The following NOL10 variants were observed in gnomAD, a reference collection of about 807,000 sequenced individuals.
The protein encoded by NOL10 is H_NH0074G24.1.
In NOL10, 58 loss-of-function variants were observed where a neutral mutation model predicts 103.5. That is an observed-to-expected ratio of 0.56 (90% CI 0.45 to 0.70). The LOEUF (loss-of-function observed/expected upper bound fraction) is 0.70, where lower values mean the gene tolerates loss of function less well. NOL10 is among the 30% of genes least tolerant of loss of function. The pLI is 0.00. For synonymous variants in NOL10, 287 were observed against 282.5 expected, an observed-to-expected ratio of 1.02 and a Z score of -0.16; for missense variants, 763 against 807.3, an observed-to-expected ratio of 0.95 and a Z score of 0.67.
chr2:10,615,165 T>C (rs564915479), intron 13 of NOL10, among the ~76,000 whole-genome samples: 44 of 152,390 alleles, frequency 2.9e-4, no homozygotes, highest in African/African-American at 1.0e-3. Context: ...TTATGAGTCA[T>C]TTAAATGTAC....
At chr2:10,590,961 G>C (rs911569824) in intron 17 of NOL10, 1 of 152,200 alleles carries the variant, frequency 6.6e-6, no homozygotes, top group Non-Finnish European at 1.5e-5. Flanking sequence ...TGACTCTGCT[G>C]AACAGACTAC....
At chr2:10,689,317 T>C (rs1682446025) in intron 1 of NOL10, among the ~76,000 whole-genome samples, 1 of 152,142 alleles carries the variant, frequency 6.6e-6, no homozygotes, top group Non-Finnish European at 1.5e-5. Flanking sequence ...GTCTCGAAAA[T>C]ACTGTCCTCT....
intron 19 of NOL10, among the ~76,000 whole-genome samples, chr2:10,586,817 G>A (rs1388112054): frequency 2.0e-5 from 3 of 151,514 alleles, no homozygotes; most frequent in African/African-American, 4.9e-5. Flanking sequence ...CTTATTGTAT[G>A]AGTACAGTAT....
intron 17 of NOL10, among the ~76,000 whole-genome samples, chr2:10,595,028 A>T (rs546874496): frequency 6.6e-6 from 1 of 152,018 alleles, no homozygotes; most frequent in Non-Finnish European, 1.5e-5. Context: ...CTGAATACCA[A>T]CTTAATCAAA....
intron 17 of NOL10, among the ~76,000 whole-genome samples, chr2:10,595,590 TTTG>T (rs1558277515): frequency 1.2e-4 from 9 of 75,360 alleles, no homozygotes; most frequent in African/African-American, 4.0e-4. Context: ...GTTTTTTTGT[TTTG>T]TTTTGTTTTT....
At chr2:10,630,628 T>A (rs750213462) in intron 13 of NOL10, among the ~76,000 whole-genome samples, 16 of 152,088 alleles carry the variant, frequency 1.1e-4, no homozygotes, top group Non-Finnish European at 1.8e-4. Flanking sequence ...GGCAGGAGAA[T>A]GGTGTGAACC....
At chr2:10,665,640 T>G (rs1254094147) in intron 8 of NOL10, among the ~76,000 whole-genome samples, 2 of 152,212 alleles carry the variant, frequency 1.3e-5, no homozygotes, top group African/African-American at 4.8e-5. Context: ...CAGCACGTTC[T>G]AATACATAAC....
chr2:10,631,597 T>C (rs1438961736), intron 13 of NOL10, among the ~76,000 whole-genome samples: 1 of 152,204 alleles, frequency 6.6e-6, no homozygotes, highest in Non-Finnish European at 1.5e-5. Context: ...AACACAACGA[T>C]TGCATCATAC....
intron 13 of NOL10, among the ~76,000 whole-genome samples, chr2:10,624,706 A>G (rs905024078): frequency 6.6e-6 from 1 of 152,162 alleles, no homozygotes; most frequent in Non-Finnish European, 1.5e-5. Flanking sequence ...ACTATGGAGG[A>G]CCATCTGGCA....
chr2:10,612,005 A>C (rs1676597153), intron 13 of NOL10, among the ~76,000 whole-genome samples: 1 of 152,000 alleles, frequency 6.6e-6, no homozygotes, highest in African/African-American at 2.4e-5. Flanking sequence ...TGTAGTCCCA[A>C]ATATTATCCC....
chr2:10,603,501 G>A (rs994627081), intron 14 of NOL10, among the ~76,000 whole-genome samples: 1 of 152,112 alleles, frequency 6.6e-6, no homozygotes, highest in Non-Finnish European at 1.5e-5. Flanking sequence ...ACAGTAAGTT[G>A]CCAAATTGAA....
At chr2:10,675,020 T>C (rs995636798) in intron 4 of NOL10, among the ~76,000 whole-genome samples, 1 of 151,754 alleles carries the variant, frequency 6.6e-6, no homozygotes, top group African/African-American at 2.4e-5. Context: ...CTGGGCAACA[T>C]GGCTAGACTC....
intron 12 of NOL10, among the ~76,000 whole-genome samples, chr2:10,648,822 A>T (rs564204681): frequency 2.4e-4 from 36 of 152,336 alleles, no homozygotes; most frequent in Admixed American, 7.2e-4. Flanking sequence ...CACTGGCCTG[A>T]TCTTTGAAAA....
chr2:10,617,307 T>C (rs1199391012), intron 13 of NOL10, among the ~76,000 whole-genome samples: 1 of 152,112 alleles, frequency 6.6e-6, no homozygotes, highest in Non-Finnish European at 1.5e-5. Flanking sequence ...AGAGCAATGG[T>C]GAGCAGGGGC....
intron 13 of NOL10, among the ~76,000 whole-genome samples, chr2:10,620,542 C>T (rs1677086826): frequency 6.6e-6 from 1 of 151,948 alleles, no homozygotes; most frequent in African/African-American, 2.4e-5. Context: ...TATGTTCCCC[C>T]AAATAAAGCT....
chr2:10,682,029 C>T lies in NOL10; in HGVS notation c.153G>A (p.Met51Ile), dbSNP rs1271716837. 4.6e-6 allele frequency: 7 copies of T among 1,533,234 alleles called. No homozygotes were observed. The highest frequency in any genetic ancestry group is 1.4e-5 in the African/African-American group (1 of 72,080). The allele number at this position is 1,533,234 out of a possible 1,614,324, so 95.0% of individuals were successfully genotyped here. Residue 51 changes from methionine to isoleucine, a missense_variant, in exon 3 of 21, where the codon ATG (methionine) becomes ATA (isoleucine). Met to Ile is a conservative substitution (Grantham distance 10, BLOSUM62 1). Coordinates refer to ENST00000381685, the MANE Select transcript of NOL10 (RefSeq NM_024894.4). ...RRIELIQDFE[M>I]PTVCTTIKVS... The stretch of plus-strand genomic sequence containing the variant: ...CCTTAATAGTGGTACACACAGTAGG[C>T]ATTTCAAAGTCCTGAATAAGTTCAA...
chr2:10,684,616 A>T lies in NOL10; in HGVS notation c.67-4T>A. The T allele has an allele frequency of 6.4e-7, 1 of 1,560,734 alleles. No homozygotes were observed. On this transcript the variant is annotated splice_polypyrimidine_tract_variant and splice_region_variant and intron_variant, in intron 1 of 20. Transcript: ENST00000381685. Reference sequence around the variant, plus strand: ...TCTTCTTCCTATCAGAAAGCCACTTAAAGAAAATGAAGAGAGTTTATTTTA... The same window carrying T: ...TCTTCTTCCTATCAGAAAGCCACTTTAAGAAAATGAAGAGAGTTTATTTTA...
chr2:10,679,610 TTC>T (rs1005202141), intron 3 of NOL10, among the ~76,000 whole-genome samples: 2 of 138,042 alleles, frequency 1.4e-5, no homozygotes, highest in East Asian at 2.0e-4. Flanking sequence ...CTTCCTCTCT[TTC>T]TCTCTCTTTC....
chr2:10,573,800 A>T (rs1291208781), intron 20 of NOL10, among the ~76,000 whole-genome samples: 1 of 152,064 alleles, frequency 6.6e-6, no homozygotes, highest in African/African-American at 2.4e-5. Context: ...TATTCTTCTG[A>T]AGTGCGTCCC....
Sources: gnomAD v4.1 joint callset for allele counts (sites outside exome capture counted in the v4.1 genomes callset) on GRCh38, gnomAD v4.1.1 for gene constraint, MANE v1.5 for transcripts, NCBI Gene and HGNC (gene_info 2026-07-23, HGNC 2026-07-21) for gene names.